Variants in CNTLN observed in about 807,000 individuals in gnomAD.
CNTLN encodes the protein centlein.
Under a neutral mutation model 180.0 loss-of-function variants are expected in CNTLN, and 212 were observed. The observed-to-expected ratio is 1.18, with a 90% confidence interval of 1.05 to 1.32. The LOEUF (loss-of-function observed/expected upper bound fraction) is 1.32, where lower values mean the gene tolerates loss of function less well. Ranked by LOEUF, CNTLN falls within the 40% of genes most tolerant of loss-of-function variation. The pLI is 0.00. For missense variants in CNTLN, 2,095 were observed against 1,610.9 expected (o/e 1.30, Z -5.14); for synonymous variants, 722 against 563.1 (o/e 1.28, Z -3.99).
chr9:17,436,378 T>C (rs968411918), intron 18 of CNTLN, among the ~76,000 whole-genome samples: 3 of 152,212 alleles, frequency 2.0e-5, no homozygotes, highest in Non-Finnish European at 4.4e-5. Context: ...AGCTTTCAAA[T>C]TTGCTTCATA....
chr9:17,379,600 A>G lies in CNTLN; in HGVS notation c.1988-8562A>G, dbSNP rs555558973. On this transcript the variant is annotated intron_variant, in intron 13 of 25. Coordinates refer to ENST00000380647, the MANE Select transcript of CNTLN (RefSeq NM_017738.4). ...GGGATGACATTGTCTGATGCCCAGT[A>G]TCTAAAAACCATTTTTCATACATTT... is the stretch of plus-strand genomic sequence containing the variant. 2.0e-5 allele frequency among the ~76,000 whole-genome samples: 3 copies of G among 152,306 alleles called. No homozygotes were observed. In the South Asian group the frequency reaches 6.2e-4, roughly 32 times the overall value.
intron 2 of CNTLN, among the ~76,000 whole-genome samples, chr9:17,223,836 C>T (rs566532172): frequency 4.7e-4 from 72 of 152,082 alleles, no homozygotes; most frequent in African/African-American, 1.6e-3. Flanking sequence ...TTATTTTATC[C>T]CCAGTGATTT....
At chr9:17,485,621 A>G (rs1263443626) in intron 24 of CNTLN, among the ~76,000 whole-genome samples, 1 of 152,100 alleles carries the variant, frequency 6.6e-6, no homozygotes. Context: ...GAGAAACCTA[A>G]CCAAAATTTA....
chr9:17,500,298 G>T (rs1833673797), intron 25 of CNTLN, among the ~76,000 whole-genome samples: 1 of 152,164 alleles, frequency 6.6e-6, no homozygotes. Flanking sequence ...CCACATTGGA[G>T]GCTTTCTGGA....
chr9:17,490,549 A>G (rs982821292), intron 25 of CNTLN, among the ~76,000 whole-genome samples: 4 of 152,162 alleles, frequency 2.6e-5, no homozygotes, highest in African/African-American at 9.6e-5. Context: ...GCAAATTTAT[A>G]GACAGTATGT....
At chr9:17,519,065 G>A in the CNTLN span, among the ~76,000 whole-genome samples, 4 of 138,298 alleles carry the variant, frequency 2.9e-5, no homozygotes, top group Non-Finnish European at 5.9e-5. Context: ...TGGGACTACA[G>A]GTGTGTGCTA....
At chr9:17,141,576 G>T (rs1818097526) in intron 1 of CNTLN, among the ~76,000 whole-genome samples, 1 of 152,142 alleles carries the variant, frequency 6.6e-6, no homozygotes, top group Non-Finnish European at 1.5e-5. Flanking sequence ...TTGACACAGA[G>T]TTTGGATTAG....
intron 5 of CNTLN, among the ~76,000 whole-genome samples, chr9:17,254,949 C>G (rs1257028590): frequency 6.6e-6 from 1 of 151,732 alleles, no homozygotes; most frequent in Non-Finnish European, 1.5e-5. Flanking sequence ...TTTGTGTCCT[C>G]TATAATTTCT....
rs186034395 is a variant in CNTLN, at chr9:17,416,308, C to G, written c.3114+119C>G. 2.9e-3 allele frequency: 2,240 copies of G among 781,104 alleles called. 28 individuals carry two copies. In the African/African-American group the frequency reaches 0.035, roughly 12 times the overall value. The allele number at this position is 781,104 out of a possible 1,614,324, so 48.4% of individuals were successfully genotyped here. The stretch of plus-strand genomic sequence containing the variant: ...GCAGGTCTATGAGTTTTAAAAAATC[C>G]CAGGCACTGTTTACTAGTGTAATTA... On this transcript the variant is annotated intron_variant, in intron 18 of 25. Coordinates refer to ENST00000380647, the MANE Select transcript of CNTLN (RefSeq NM_017738.4).
At chr9:17,423,589 G>A (rs1337097818) in intron 18 of CNTLN, among the ~76,000 whole-genome samples, 1 of 152,008 alleles carries the variant, frequency 6.6e-6, no homozygotes, top group African/African-American at 2.4e-5. Context: ...AGTTCAACTG[G>A]CTCCAAGCCC....
Position 17,135,272 on chromosome 9 carries a change from T to TG in CNTLN, c.214dup (p.Ala72GlyfsTer51), listed in dbSNP as rs578214691. On this transcript the variant is annotated frameshift_variant, in exon 1 of 26. Transcript: ENST00000380647. LOFTEE classifies it high-confidence loss of function. ...AAGGGTCAGGGGGCCGGCGAGGGCC[T>TG]GGGGGGGCAGCTCCGGCTCATGCTC... The TG allele has an allele frequency of 2.5e-3, 4,001 of 1,600,992 alleles. 10 individuals are homozygous for TG. Among genetic ancestry groups the TG allele is most frequent in the Non-Finnish European group, 3.2e-3 (3,731 of 1,174,746 alleles).
chr9:17,222,924 T>C (rs1038029786), intron 2 of CNTLN, among the ~76,000 whole-genome samples: 1 of 152,060 alleles, frequency 6.6e-6, no homozygotes, highest in Non-Finnish European at 1.5e-5. Context: ...TACTTCTTTA[T>C]GCAAAATCAC....
intron 25 of CNTLN, among the ~76,000 whole-genome samples, chr9:17,493,541 A>T (rs957762971): frequency 6.6e-6 from 1 of 152,168 alleles, no homozygotes. Context: ...AATGACTCCT[A>T]TTCTTGCACC....
chr9:17,408,804 A>AG (rs1827613180), intron 15 of CNTLN, among the ~76,000 whole-genome samples: 1 of 151,214 alleles, frequency 6.6e-6, no homozygotes, highest in South Asian at 2.1e-4. Flanking sequence ...CTGTCTTAAA[A>AG]AAAAAAAAAA....
intron 7 of CNTLN, among the ~76,000 whole-genome samples, chr9:17,304,583 A>G (rs543725007): frequency 2.0e-5 from 3 of 152,288 alleles, no homozygotes; most frequent in Admixed American, 2.0e-4. Flanking sequence ...TAAATAGTAC[A>G]GTTTTCACTT....
chr9:17,524,627 G>T, the CNTLN span, among the ~76,000 whole-genome samples: 1 of 152,148 alleles, frequency 6.6e-6, no homozygotes, highest in Admixed American at 6.5e-5. Flanking sequence ...ATATTCCATT[G>T]CTCATAACAT....
intron 5 of CNTLN, among the ~76,000 whole-genome samples, chr9:17,266,788 T>C (rs1827490821): frequency 6.6e-6 from 1 of 152,214 alleles, no homozygotes; most frequent in African/African-American, 2.4e-5. Flanking sequence ...TTTACCATTA[T>C]GTAATGGCCT....
At chr9:17,311,701 C>T (rs1235780487) in intron 8 of CNTLN, among the ~76,000 whole-genome samples, 2 of 151,742 alleles carry the variant, frequency 1.3e-5, no homozygotes, top group East Asian at 2.0e-4. Flanking sequence ...CCCATCTACT[C>T]GGGAGGCTGA....
chr9:17,386,289 A>C (rs928813759), intron 13 of CNTLN, among the ~76,000 whole-genome samples: 1 of 152,082 alleles, frequency 6.6e-6, no homozygotes, highest in East Asian at 1.9e-4. Flanking sequence ...GCTCTTAAAT[A>C]ACTATGAATA....
Sources: allele counts gnomAD v4.1 joint callset (sites outside exome capture counted in the v4.1 genomes callset), GRCh38; gene constraint gnomAD v4.1.1; transcripts MANE v1.5; gene names NCBI Gene and HGNC (gene_info 2026-07-23, HGNC 2026-07-21).